LHFPL3: variants seen among roughly 807,000 people sequenced by gnomAD.
LHFPL3 encodes LHFPL tetraspan subfamily member 3.
In LHFPL3, 5 loss-of-function variants were observed where a neutral mutation model predicts 19.3. That is an observed-to-expected ratio of 0.26 (90% confidence interval 0.14 to 0.54). The LOEUF (loss-of-function observed/expected upper bound fraction) is 0.54, where lower values mean the gene tolerates loss of function less well. Ranked by LOEUF, LHFPL3 falls within the 20% of genes least tolerant of loss-of-function variation. LHFPL3 has a pLI of 0.94. For synonymous variants in LHFPL3, 133 were observed against 126.2 expected, an observed-to-expected ratio of 1.05 and a Z score of -0.36; for missense variants, 249 against 307.4, an observed-to-expected ratio of 0.81 and a Z score of 1.42.
intron 1 of LHFPL3, among the ~76,000 whole-genome samples, chr7:104,359,497 A>C (rs975927363): frequency 1.3e-5 from 2 of 152,246 alleles, no homozygotes; most frequent in African/African-American, 4.8e-5. Flanking sequence ...AATATGTAAA[A>C]AAACTAAGTT....
At chr7:104,654,808 T>G (rs1352608683) in intron 1 of LHFPL3, among the ~76,000 whole-genome samples, 1 of 152,130 alleles carries the variant, frequency 6.6e-6, no homozygotes, top group Non-Finnish European at 1.5e-5. Context: ...GAACCCCAGA[T>G]TCCTAATCAC....
At chr7:104,537,712 G>A (rs900543610) in intron 1 of LHFPL3, among the ~76,000 whole-genome samples, 1 of 152,162 alleles carries the variant, frequency 6.6e-6, no homozygotes, top group African/African-American at 2.4e-5. Context: ...TGAACATTTT[G>A]GAACTCAGTC....
chr7:104,379,829 G>GGA (rs1188307877), intron 1 of LHFPL3, among the ~76,000 whole-genome samples: 6 of 152,152 alleles, frequency 3.9e-5, no homozygotes, highest in Admixed American at 1.3e-4. Flanking sequence ...CCACAGCCTG[G>GGA]GACCCTCAGT....
intron 1 of LHFPL3, among the ~76,000 whole-genome samples, chr7:104,522,527 A>G (rs1794091347): frequency 6.6e-6 from 1 of 152,120 alleles, no homozygotes; most frequent in South Asian, 2.1e-4. Flanking sequence ...CCTAAAACTT[A>G]AAGTATAATA....
intron 1 of LHFPL3, among the ~76,000 whole-genome samples, chr7:104,600,577 T>C (rs1302978628): frequency 6.6e-6 from 1 of 152,232 alleles, no homozygotes; most frequent in Non-Finnish European, 1.5e-5. Context: ...CAAACTATTA[T>C]CTCATCTTAT....
At position 104,469,490 on chromosome 7, in the gene LHFPL3, T is replaced by C. The variant is rs73712148; in HGVS notation, c.445+140266T>C. Among the ~76,000 whole-genome samples the C allele has an allele frequency of 1.0e-2, 1,518 of 152,334 alleles. 23 individuals are homozygous for C. The highest frequency in any genetic ancestry group is 0.034 in the African/African-American group (1,432 of 41,562). On this transcript the variant is annotated intron_variant, in intron 1 of 2. Coordinates refer to ENST00000424859, the MANE Select transcript of LHFPL3 (RefSeq NM_199000.3). ...AAGTTTTTTTCTAAAATAAATAGACTAAACTGTTCTTAATATTAACCAGGT... is the reference window on the plus strand; with the variant it reads ...AAGTTTTTTTCTAAAATAAATAGACCAAACTGTTCTTAATATTAACCAGGT...
intron 1 of LHFPL3, among the ~76,000 whole-genome samples, chr7:104,350,504 G>A (rs552949273): frequency 1.2e-4 from 18 of 152,320 alleles, no homozygotes; most frequent in African/African-American, 4.3e-4. Flanking sequence ...GGGCAAGACT[G>A]ATGAATAGAG....
chr7:104,551,799 T>C (rs1009164551), intron 1 of LHFPL3, among the ~76,000 whole-genome samples: 41 of 152,158 alleles, frequency 2.7e-4, no homozygotes, highest in African/African-American at 9.7e-4. Context: ...TGGATAGTTC[T>C]CCCAGGGAGA....
intron 1 of LHFPL3, among the ~76,000 whole-genome samples, chr7:104,417,857 A>ATTATTCTTC (rs1222522601): frequency 1.6e-5 from 2 of 125,656 alleles, no homozygotes; most frequent in African/African-American, 3.1e-5. Context: ...TTCTTTTCTA[A>ATTATTCTTC]TTCTTCTTCT....
At chr7:104,440,895 CG>C (rs1158129548) in intron 1 of LHFPL3, among the ~76,000 whole-genome samples, 1 of 151,940 alleles carries the variant, frequency 6.6e-6, no homozygotes, top group Non-Finnish European at 1.5e-5. Flanking sequence ...TACAAAAGAC[CG>C]TGCATATTTA....
chr7:104,434,698 G>T (rs925070542), intron 1 of LHFPL3, among the ~76,000 whole-genome samples: 1 of 152,186 alleles, frequency 6.6e-6, no homozygotes, highest in Non-Finnish European at 1.5e-5. Context: ...AAATCAGACA[G>T]CTAGTGTGCA....
chr7:104,562,464 A>G (rs1030642638), intron 1 of LHFPL3, among the ~76,000 whole-genome samples: 6 of 152,030 alleles, frequency 3.9e-5, no homozygotes, highest in Admixed American at 3.3e-4. Flanking sequence ...CTTTCTTCCA[A>G]TTGATCGCAT....
Position 104,399,746 on chromosome 7 carries a change from A to G in LHFPL3, c.445+70522A>G, listed in dbSNP as rs1445012798. Among the ~76,000 whole-genome samples, 1 of 149,626 alleles carries G rather than the reference A, an allele frequency of 6.7e-6. No individual in the cohort carries two copies. The highest frequency in any genetic ancestry group is 1.5e-5 in the Non-Finnish European group (1 of 67,712). On this transcript the variant is annotated intron_variant, in intron 1 of 2. Transcript: ENST00000424859. This position sits in a 1 kb window ranked among gnomAD's most constrained non-coding sequence, Gnocchi z 4.4. ...CTCGGCCTCCCAAAGTGCTGGGATT[A>G]CAGTTGTAAGCCACTGCGCCCGGCC... is the stretch of plus-strand genomic sequence containing the variant.
intron 1 of LHFPL3, among the ~76,000 whole-genome samples, chr7:104,517,057 C>T (rs1379734916): frequency 6.6e-6 from 1 of 152,076 alleles, no homozygotes; most frequent in Non-Finnish European, 1.5e-5. Flanking sequence ...AGATTAAATG[C>T]CACATGTTCT....
At chr7:104,721,421 G>C (rs775529323) in intron 1 of LHFPL3, among the ~76,000 whole-genome samples, 4 of 152,124 alleles carry the variant, frequency 2.6e-5, no homozygotes, top group Non-Finnish European at 5.9e-5. Flanking sequence ...GATAGCATTA[G>C]GAGAAATACC....
intron 1 of LHFPL3, among the ~76,000 whole-genome samples, chr7:104,657,619 T>C (rs927771618): frequency 1.3e-5 from 2 of 152,254 alleles, no homozygotes; most frequent in Non-Finnish European, 2.9e-5. Context: ...TTGCCAGATA[T>C]GTGAAGGTGC....
chr7:104,843,254 T>C (rs957068720), intron 2 of LHFPL3, among the ~76,000 whole-genome samples: 5 of 152,236 alleles, frequency 3.3e-5, no homozygotes, highest in African/African-American at 1.2e-4. Flanking sequence ...TTAAATGATC[T>C]AGGTTAAAAC....
At chr7:104,411,572 G>A (rs1229266142) in intron 1 of LHFPL3, among the ~76,000 whole-genome samples, 1 of 152,038 alleles carries the variant, frequency 6.6e-6, no homozygotes, top group East Asian at 1.9e-4. Flanking sequence ...TTAAAACTTA[G>A]AAGTAGCAGT....
At chr7:104,863,728 T>C (rs915464056) in intron 2 of LHFPL3, among the ~76,000 whole-genome samples, 1 of 152,218 alleles carries the variant, frequency 6.6e-6, no homozygotes, top group African/African-American at 2.4e-5. Flanking sequence ...TGACTCAGCC[T>C]TGCACAGTGA....
Sources: gnomAD v4.1 joint callset for allele counts (sites outside exome capture counted in the v4.1 genomes callset) on GRCh38, gnomAD v4.1.1 for gene constraint, Gnocchi (gnomAD v3.1) non-coding constraint, MANE v1.5 for transcripts, NCBI Gene and HGNC (gene_info 2026-07-23, HGNC 2026-07-21) for gene names.